Variants in SYT1 observed in about 807,000 individuals in gnomAD.
The protein encoded by SYT1 is synaptotagmin 1.
SYT1 carries 8 observed loss-of-function variants against 44.8 expected under a neutral mutation model. That is an observed-to-expected ratio of 0.18 (90% CI 0.10 to 0.32). SYT1 has a LOEUF of 0.32. Ranked by LOEUF, SYT1 falls within the 10% of genes least tolerant of loss-of-function variation. The pLI is 1.00. For missense variants in SYT1, 286 were observed against 509.3 expected (o/e 0.56, Z 4.22); for synonymous variants, 154 against 188.8 (o/e 0.82, Z 1.51).
chr12:79,394,061 T>C (rs1884775369), intron 9 of SYT1: 1 of 152,262 alleles, frequency 6.6e-6, no homozygotes, highest in Non-Finnish European at 1.5e-5. Context: ...TGTCTCTGAC[T>C]AACCTAGAAG....
chr12:79,364,780 C>CA (rs1641709717), intron 9 of SYT1, among the ~76,000 whole-genome samples: 1 of 152,048 alleles, frequency 6.6e-6, no homozygotes, highest in African/African-American at 2.4e-5. Context: ...CGTTAACAAA[C>CA]AAAAAGAGCC....
At chr12:79,274,099 A>C (rs1341284148) in intron 4 of SYT1, among the ~76,000 whole-genome samples, 1 of 152,222 alleles carries the variant, frequency 6.6e-6, no homozygotes, top group Non-Finnish European at 1.5e-5. Context: ...TAAATAAATA[A>C]GAAAGAAAGA....
chr12:79,360,850 T>G (rs1883291797), intron 9 of SYT1, among the ~76,000 whole-genome samples: 2 of 152,114 alleles, frequency 1.3e-5, no homozygotes, highest in African/African-American at 4.8e-5. Context: ...ACTGGATCAT[T>G]CTAGAAAATG....
At chr12:79,348,895 C>T (rs551240668) in intron 8 of SYT1, among the ~76,000 whole-genome samples, 1 of 50,520 alleles carries the variant, frequency 2.0e-5, no homozygotes, top group Admixed American at 2.0e-4. Flanking sequence ...TGAAAAAAGA[C>T]AAAGAAAGAA....
chr12:78,872,677 A>G (rs966640118), intron 1 of SYT1, among the ~76,000 whole-genome samples: 1 of 151,018 alleles, frequency 6.6e-6, no homozygotes, highest in African/African-American at 2.4e-5. Context: ...ATATTTTCCT[A>G]TAGAATCACT....
intron 1 of SYT1, among the ~76,000 whole-genome samples, chr12:78,902,243 C>A (rs889595695): frequency 1.3e-4 from 19 of 146,912 alleles, no homozygotes; most frequent in Admixed American, 1.1e-3. Flanking sequence ...ATCATATAAT[C>A]GCAATTACAC....
At position 78,949,261 on chromosome 12, in the gene SYT1, G is replaced by A. The variant is rs1038149535; in HGVS notation, c.-216-28538G>A. On this transcript the variant is annotated intron_variant, in intron 1 of 10. Transcript: ENST00000261205. Reference sequence around the variant, plus strand: ...ATAATTTTAGAAATATAGGACTCCCGTGAAATACTTGAAGAAAATTTGATA... The same window carrying A: ...ATAATTTTAGAAATATAGGACTCCCATGAAATACTTGAAGAAAATTTGATA... Among the ~76,000 whole-genome samples, 11 of 151,682 alleles carry A rather than the reference G, an allele frequency of 7.3e-5. 1 individual carries two copies. The highest frequency in any genetic ancestry group is 4.1e-4 in the South Asian group (2 of 4,822).
At chr12:78,922,130 A>G (rs1877042277) in intron 1 of SYT1, among the ~76,000 whole-genome samples, 1 of 152,012 alleles carries the variant, frequency 6.6e-6, no homozygotes, top group Admixed American at 6.6e-5. Flanking sequence ...TCCAAATAAA[A>G]TAAGGTTTTA....
At chr12:78,962,145 G>T (rs1166807278) in intron 1 of SYT1, among the ~76,000 whole-genome samples, 3 of 151,772 alleles carry the variant, frequency 2.0e-5, no homozygotes, top group South Asian at 2.1e-4. Context: ...CTGACATAGA[G>T]AGTCTACACA....
intron 1 of SYT1, among the ~76,000 whole-genome samples, chr12:78,887,374 G>T (rs1339464819): frequency 6.6e-6 from 1 of 151,990 alleles, no homozygotes; most frequent in East Asian, 1.9e-4. Context: ...GAGTGTGGAT[G>T]CTGGCAATTC....
At chr12:78,901,646 G>T (rs1321223992) in intron 1 of SYT1, among the ~76,000 whole-genome samples, 1 of 152,084 alleles carries the variant, frequency 6.6e-6, no homozygotes, top group African/African-American at 2.4e-5. Context: ...ATTTGCTGTT[G>T]TGAAAACAAG....
intron 3 of SYT1, among the ~76,000 whole-genome samples, chr12:79,068,956 A>T (rs1397247876): frequency 6.6e-6 from 1 of 152,216 alleles, no homozygotes; most frequent in Non-Finnish European, 1.5e-5. Context: ...ATGATACCAG[A>T]GATCAGTATA....
intron 1 of SYT1, among the ~76,000 whole-genome samples, chr12:78,923,643 C>A (rs966199951): frequency 2.6e-5 from 4 of 152,068 alleles, no homozygotes; most frequent in South Asian, 4.1e-4. Context: ...ATGAACTTCA[C>A]TGAGAATCTC....
At chr12:78,986,188 T>TG (rs1277393823) in intron 2 of SYT1, among the ~76,000 whole-genome samples, 1 of 152,046 alleles carries the variant, frequency 6.6e-6, no homozygotes, top group East Asian at 1.9e-4. Context: ...ATAGCGAAGA[T>TG]GATTTATGTG....
intron 2 of SYT1, among the ~76,000 whole-genome samples, chr12:79,033,166 G>A (rs1461120322): frequency 1.3e-5 from 2 of 151,298 alleles, no homozygotes; most frequent in Non-Finnish European, 3.0e-5. Context: ...GCTCATCCAT[G>A]TTATTGCTTC....
intron 4 of SYT1, among the ~76,000 whole-genome samples, chr12:79,250,069 A>G (rs932096642): frequency 6.6e-6 from 1 of 152,228 alleles, no homozygotes; most frequent in Non-Finnish European, 1.5e-5. Context: ...TAAGATGAAT[A>G]TTATCATTAT....
chr12:79,042,805 C>T (rs1873697421), intron 2 of SYT1, among the ~76,000 whole-genome samples: 1 of 150,562 alleles, frequency 6.6e-6, no homozygotes, highest in Non-Finnish European at 1.5e-5. Flanking sequence ...GAATGTGTCC[C>T]AGAGATTCTG....
At chr12:79,051,303 C>A (rs1180466782) in intron 3 of SYT1, among the ~76,000 whole-genome samples, 1 of 149,706 alleles carries the variant, frequency 6.7e-6, no homozygotes, top group Non-Finnish European at 1.5e-5. Context: ...CACAGTATAA[C>A]CTTTATAAAT....
intron 4 of SYT1, among the ~76,000 whole-genome samples, chr12:79,273,921 TA>T (rs1878570864): frequency 6.6e-6 from 1 of 152,034 alleles, no homozygotes; most frequent in East Asian, 1.9e-4. Context: ...CCGTCTCTAC[TA>T]AAAATACAGA....
Sources: allele counts gnomAD v4.1 joint callset (sites outside exome capture counted in the v4.1 genomes callset), GRCh38; gene constraint gnomAD v4.1.1; transcripts MANE v1.5; gene names NCBI Gene and HGNC (gene_info 2026-07-23, HGNC 2026-07-21).